Variants in MSL1 observed in about 807,000 individuals in gnomAD.
MSL1 encodes male-specific lethal 1 homolog.
A neutral mutation model predicts 64.6 loss-of-function variants in MSL1; 21 were observed. The observed-to-expected ratio is 0.33, with a 90% confidence interval of 0.23 to 0.47. The LOEUF is 0.47. Among genes scored for constraint, MSL1 ranks in the 20% least tolerant of loss-of-function variants. The probability of loss-of-function intolerance (pLI) is 1.00; values close to 1 mark genes in which losing one functional copy is unlikely to be tolerated. For missense variants in MSL1, 664 were observed against 793.2 expected (o/e 0.84, Z 1.96); for synonymous variants, 339 against 329.6 (o/e 1.03, Z -0.31).
At chr17:40,125,324 T>A (rs1988288907) in intron 1 of MSL1, among the ~76,000 whole-genome samples, 1 of 152,234 alleles carries the variant, frequency 6.6e-6, no homozygotes, top group Non-Finnish European at 1.5e-5. Flanking sequence ...TGATTTCTAT[T>A]TTCCAAATGA....
At chr17:40,134,150 G>T in intron 8 of MSL1, 129 bp from the exon 9 acceptor site, 1 of 787,234 alleles carries the variant, frequency 1.3e-6, no homozygotes, top group Non-Finnish European at 2.1e-6. Context: ...CTTTGAGGCA[G>T]GAAAGACACT....
chr17:40,127,245 T>C (rs1322131472), intron 2 of MSL1, among the ~76,000 whole-genome samples: 1 of 150,928 alleles, frequency 6.6e-6, no homozygotes, highest in African/African-American at 2.4e-5. Flanking sequence ...TATGCACCTG[T>C]AGTCCCAGCT....
At chr17:40,123,795 A>AGCTGTTGCTTTCACC (rs1027985019) in intron 1 of MSL1, among the ~76,000 whole-genome samples, 1 of 152,206 alleles carries the variant, frequency 6.6e-6, no homozygotes, top group African/African-American at 2.4e-5. Flanking sequence ...TGTAGCAAGC[A>AGCTGTTGCTTTCACC]GCTGTTGCTT....
At chr17:40,134,219 C>A in intron 8 of MSL1, 60 bp from the exon 9 acceptor site, 1 of 1,428,554 alleles carries the variant, frequency 7.0e-7, no homozygotes, top group South Asian at 1.2e-5. Flanking sequence ...TAGTTGCTAT[C>A]ATGTCCACAC....
In MSL1 at chr17:40,122,852, C is replaced by T. The variant is rs900254210; in HGVS notation, c.240C>T (p.Gly80=). 30 of 1,388,252 alleles carry T rather than the reference C, an allele frequency of 2.2e-5. No homozygotes were observed. Among genetic ancestry groups the T allele is most frequent in the Non-Finnish European group, 2.7e-5 (29 of 1,081,348 alleles). The allele number at this position is 1,388,252 out of a possible 1,614,324, so 86.0% of individuals were successfully genotyped here. Residue 80 remains glycine, a synonymous_variant, in exon 1 of 9, where the codon GGC becomes GGT. Coordinates refer to ENST00000398532, the MANE Select transcript of MSL1 (RefSeq NM_001365919.1). The surrounding 1 kb of genome is among the most constrained non-coding windows in gnomAD (Gnocchi z 4.2). The stretch of plus-strand genomic sequence containing the variant: ...CCGGCTGCGGCGGCAAGGGCCGGGG[C>T]TTGTTACTCCCGGCCGGGGCGGCCC... The part of the protein sequence containing the change: ...SPAGCGGKGR[G]LLLPAGAAPG...
chr17:40,132,707 G>A (rs577701122), intron 5 of MSL1, among the ~76,000 whole-genome samples: 1 of 152,282 alleles, frequency 6.6e-6, no homozygotes, highest in South Asian at 2.1e-4. Context: ...GACTCTTAAA[G>A]TTTTGATTAT....
At chr17:40,132,003 T>G in intron 4 of MSL1, 31 bp from the exon 5 acceptor site, 1 of 1,531,298 alleles carries the variant, frequency 6.5e-7, no homozygotes, top group Non-Finnish European at 8.9e-7. Context: ...CCACCCCTCC[T>G]CCCTTTCTTT....
chr17:40,129,281 T>C lies in MSL1; in HGVS notation c.1029T>C (p.Pro343=). The change falls in exon 3 of 9, where the codon CCT becomes CCC. Residue 343 remains proline (P), a synonymous_variant. Coordinates refer to ENST00000398532, the MANE Select transcript of MSL1 (RefSeq NM_001365919.1). ...SPFGSTERKT[P]VKKLAPEFSK... ...TTGGAAGTACAGAAAGAAAGACTCC[T>C]GTTAAAAAGCTGGCTCCTGAATTTT... is the stretch of plus-strand genomic sequence containing the variant. 4 of 1,573,738 alleles carry C rather than the reference T, an allele frequency of 2.5e-6. No homozygotes were observed. The highest frequency in any genetic ancestry group is 1.2e-5 in the South Asian group (1 of 83,540).
intron 2 of MSL1, among the ~76,000 whole-genome samples, chr17:40,127,316 C>T (rs1272388945): frequency 7.2e-5 from 10 of 139,584 alleles, no homozygotes; most frequent in African/African-American, 1.9e-4. Context: ...GCCTGGGTGA[C>T]GGAGTGATAC....
At chr17:40,125,064 C>T (rs1287045154) in intron 1 of MSL1, among the ~76,000 whole-genome samples, 2 of 152,208 alleles carry the variant, frequency 1.3e-5, no homozygotes, top group Admixed American at 6.5e-5. Flanking sequence ...TTAAACATCA[C>T]TGTCTAACCC....
chr17:40,133,942 A>G (rs752601576), intron 8 of MSL1, 43 bp downstream of exon 8: 1 of 1,535,708 alleles, frequency 6.5e-7, no homozygotes, highest in South Asian at 1.1e-5. Flanking sequence ...TAACCTGCAC[A>G]TCCTTTTCAG....
intron 3 of MSL1, among the ~76,000 whole-genome samples, chr17:40,130,606 C>T (rs965104088): frequency 6.6e-5 from 10 of 152,114 alleles, no homozygotes; most frequent in African/African-American, 1.4e-4. Context: ...GAGACAAGAG[C>T]GTTCTCCAGG....
At position 40,129,509 on chromosome 17, in the gene MSL1, G is replaced by T. The variant is rs368393319; in HGVS notation, c.1257G>T (p.Glu419Asp). The stretch of plus-strand genomic sequence containing the variant: ...CCAAGGAGAAAGCCTTCTCAAGTGA[G>T]ATAGAAGATTTGCCGTACCTTTCCA... ...THPKEKAFSSEIEDLPYLSTT... is the reference protein window; with the variant it reads ...THPKEKAFSSDIEDLPYLSTT... The change falls in exon 3 of 9, where the codon GAG becomes GAT. Residue 419 changes from glutamate (E) to aspartate (D), a missense_variant. Glu to Asp is a conservative substitution (Grantham distance 45). This residue lies in a region of MSL1 where 119 missense variants were observed against 164.3 expected (regional missense o/e 0.72). Transcript: ENST00000398532. 14 of 1,613,778 alleles carry T rather than the reference G, an allele frequency of 8.7e-6. No individual in the cohort carries two copies. Among genetic ancestry groups the T allele is most frequent in the Non-Finnish European group, 1.1e-5 (13 of 1,179,886 alleles).
chr17:40,123,502 A>C, intron 1 of MSL1, 122 bp downstream of exon 1: 1 of 895,322 alleles, frequency 1.1e-6, no homozygotes, highest in Non-Finnish European at 1.7e-6. Context: ...GCCACCGGCA[A>C]AGGAGTATCT....
Position 40,131,612 on chromosome 17 carries a change from G to A in MSL1, c.1423+28G>A. The A allele has an allele frequency of 6.2e-7, 1 of 1,611,584 alleles. No individual in the cohort carries two copies. The highest frequency in any genetic ancestry group is 8.5e-7 in the Non-Finnish European group (1 of 1,177,766). On this transcript the variant is annotated intron_variant, in intron 4 of 8. Transcript: ENST00000398532. This position sits in a 1 kb window ranked among gnomAD's most constrained non-coding sequence, Gnocchi z 4.5. ...GAGTAGAATAGGAATTGTGCTGGCT[G>A]GGCCTGGGGTGGGGGTTGGTGGGAT... is the stretch of plus-strand genomic sequence containing the variant.
chr17:40,125,526 A>G (rs1246628941), intron 1 of MSL1, among the ~76,000 whole-genome samples: 4 of 152,184 alleles, frequency 2.6e-5, no homozygotes, highest in Non-Finnish European at 4.4e-5. Context: ...TTAAAAGATC[A>G]TGTAGGCTGG....
At chr17:40,125,328 C>G (rs9906274) in intron 1 of MSL1, among the ~76,000 whole-genome samples, 8,310 of 152,190 alleles carry the variant, frequency 0.055, 447 homozygotes, top group African/African-American at 0.14. Flanking sequence ...TTCTATTTTC[C>G]AAATGAAATG....
chr17:40,125,881 T>G (rs2030379), intron 1 of MSL1, among the ~76,000 whole-genome samples: 1 of 152,200 alleles, frequency 6.6e-6, no homozygotes, highest in Non-Finnish European at 1.5e-5. Context: ...GCAGAGACCA[T>G]GCCATTAAAA....
At position 40,122,176 on chromosome 17, in the gene MSL1, G is replaced by A. The variant is rs538858601; in HGVS notation, c.-437G>A. 2.7e-5 allele frequency: 4 copies of A among 149,654 alleles called. No homozygotes were observed. The highest frequency in any genetic ancestry group is 9.9e-5 in the African/African-American group (4 of 40,342). The allele number at this position is 149,654 out of a possible 1,614,324, so 9.3% of individuals were successfully genotyped here. ...CCCTCCACCCCCTCCTGAGGAGGAGGGGGGGGAAATGGAGGCTCGGGGCGG... is the reference window on the plus strand; with the variant it reads ...CCCTCCACCCCCTCCTGAGGAGGAGAGGGGGGAAATGGAGGCTCGGGGCGG... On this transcript the variant is annotated 5_prime_UTR_variant, in exon 1 of 9. Coordinates refer to ENST00000398532, the MANE Select transcript of MSL1 (RefSeq NM_001365919.1). This position sits in a 1 kb window ranked among gnomAD's most constrained non-coding sequence, Gnocchi z 4.2.
Sources: gnomAD v4.1 joint callset for allele counts (sites outside exome capture counted in the v4.1 genomes callset) on GRCh38, gnomAD v4.1.1 for gene constraint, gnomAD v4.1.1 regional missense constraint, Gnocchi (gnomAD v3.1) non-coding constraint, MANE v1.5 for transcripts, NCBI Gene and HGNC (gene_info 2026-07-23, HGNC 2026-07-21) for gene names.